Variants in SH3KBP1 observed in about 807,000 individuals in gnomAD.
The protein encoded by SH3KBP1 is SH3 domain-containing kinase-binding protein 1.
In SH3KBP1, 8 loss-of-function variants were observed where a neutral mutation model predicts 50.1. The observed-to-expected ratio is 0.16, with a 90% CI of 0.09 to 0.29. The LOEUF is 0.29. Ranked by LOEUF, SH3KBP1 falls within the 10% of genes least tolerant of loss-of-function variation. The pLI is 1.00. For missense variants in SH3KBP1, 377 were observed against 535.2 expected (o/e 0.70, Z 2.92); for synonymous variants, 227 against 218.6 (o/e 1.04, Z -0.34).
intron 1 of SH3KBP1, among the ~76,000 whole-genome samples, chrX:19,874,311 G>C (rs1197197517): frequency 2.1e-5 from 2 of 96,584 alleles, no homozygotes; most frequent in African/African-American, 7.9e-5. Context: ...AGGGAGAGTG[G>C]GCACTGGGGC....
intron 14 of SH3KBP1, among the ~76,000 whole-genome samples, chrX:19,548,202 A>T (rs2065137756): frequency 8.9e-6 from 1 of 112,184 alleles, no homozygotes; most frequent in African/African-American, 3.2e-5. Flanking sequence ...CACATCCCCC[A>T]AATACATACG....
chrX:19,729,947 A>T (rs909358026), intron 3 of SH3KBP1, among the ~76,000 whole-genome samples: 3 of 111,993 alleles, frequency 2.7e-5, no homozygotes, highest in African/African-American at 9.7e-5. Flanking sequence ...TTTCTAGTGT[A>T]TGCTGGTTTT....
chrX:19,712,908 T>A (rs1172793536), intron 3 of SH3KBP1, among the ~76,000 whole-genome samples: 1 of 111,380 alleles, frequency 9.0e-6, no homozygotes, highest in East Asian at 2.8e-4. Context: ...ATCATGCAAA[T>A]TTAAAATGAG....
chrX:19,797,654 T>C (rs994876700), intron 2 of SH3KBP1, among the ~76,000 whole-genome samples: 5 of 111,290 alleles, frequency 4.5e-5, no homozygotes, highest in African/African-American at 1.6e-4. Flanking sequence ...CCGTAATCAG[T>C]GATAAAAGTT....
At chrX:19,819,630 A>AT (rs1381049724) in intron 2 of SH3KBP1, among the ~76,000 whole-genome samples, 1 of 111,653 alleles carries the variant, frequency 9.0e-6, no homozygotes, top group East Asian at 2.8e-4. Flanking sequence ...GATTTCAAAC[A>AT]TGAGCCACTG....
At chrX:19,639,999 T>G (rs1374238744) in intron 7 of SH3KBP1, among the ~76,000 whole-genome samples, 1 of 107,169 alleles carries the variant, frequency 9.3e-6, no homozygotes, top group Non-Finnish European at 1.9e-5. Flanking sequence ...CAGCCATTCT[T>G]GAGGCTGGGG....
At chrX:19,567,268 C>T (rs1341403228) in intron 13 of SH3KBP1, among the ~76,000 whole-genome samples, 5 of 107,603 alleles carry the variant, frequency 4.6e-5, no homozygotes, top group Non-Finnish European at 9.6e-5. Context: ...GCTGTAATCC[C>T]GGAACTTTGG....
chrX:19,702,373 C>T (rs2063551999), intron 4 of SH3KBP1, among the ~76,000 whole-genome samples: 1 of 111,685 alleles, frequency 9.0e-6, no homozygotes, highest in South Asian at 3.8e-4. Context: ...ACCAAATATT[C>T]CATGGGCACA....
intron 9 of SH3KBP1, among the ~76,000 whole-genome samples, chrX:19,597,495 C>T (rs2066941329): frequency 8.9e-6 from 1 of 111,782 alleles, no homozygotes; most frequent in South Asian, 3.7e-4. Context: ...GATCATGGCT[C>T]ACTGCAGCCT....
chrX:19,691,824 T>C (rs910950668), intron 5 of SH3KBP1, among the ~76,000 whole-genome samples: 2 of 111,529 alleles, frequency 1.8e-5, no homozygotes, highest in African/African-American at 3.3e-5. Context: ...TTAAAGACAC[T>C]CTTTTACTGA....
In SH3KBP1 at chrX:19,534,901, T is replaced by TA. The variant is rs1200217438; in HGVS notation, c.*1515dup. 2 of 296,354 alleles carry TA rather than the reference T, an allele frequency of 6.7e-6. No homozygotes were observed. Among genetic ancestry groups the TA allele is most frequent in the African/African-American group, 5.5e-5 (2 of 36,577 alleles). 24.4% of individuals were successfully genotyped at this position (296,354 alleles called of 1,213,427 possible). ...TATTTGTAATACTATCAATGATCAGTAATGTGATTTTTTGTTTTTGCATCA... is the reference window on the plus strand; with the variant it reads ...TATTTGTAATACTATCAATGATCAGTAAATGTGATTTTTTGTTTTTGCATCA... On this transcript the variant is annotated 3_prime_UTR_variant, in exon 18 of 18. Transcript: ENST00000397821.
intron 13 of SH3KBP1, among the ~76,000 whole-genome samples, chrX:19,557,905 T>C (rs1353186947): frequency 8.9e-6 from 1 of 111,778 alleles, no homozygotes; most frequent in African/African-American, 3.3e-5. Flanking sequence ...AAGGTGAAAT[T>C]AGCAATGATA....
At chrX:19,763,600 A>G (rs2065497814) in intron 2 of SH3KBP1, among the ~76,000 whole-genome samples, 1 of 112,325 alleles carries the variant, frequency 8.9e-6, no homozygotes, top group Non-Finnish European at 1.9e-5. Flanking sequence ...TGTTTATTCT[A>G]TTAATTCTAT....
At chrX:19,697,292 T>A (rs775816687) in intron 4 of SH3KBP1, among the ~76,000 whole-genome samples, 3 of 112,250 alleles carry the variant, frequency 2.7e-5, no homozygotes, top group African/African-American at 9.7e-5. Context: ...TAAAATAATT[T>A]AAACAAAAAA....
intron 8 of SH3KBP1, among the ~76,000 whole-genome samples, chrX:19,621,060 A>T (rs1293921713): frequency 6.3e-4 from 36 of 57,440 alleles, no homozygotes; most frequent in East Asian, 9.9e-4. Flanking sequence ...TGCCAATACC[A>T]TTTCTTTTCT....
intron 6 of SH3KBP1, among the ~76,000 whole-genome samples, chrX:19,674,065 C>G (rs1028761676): frequency 5.3e-5 from 6 of 112,329 alleles, no homozygotes; most frequent in African/African-American, 1.9e-4. Context: ...CTCATTGATG[C>G]TTTGGACATG....
chrX:19,710,314 G>C (rs145518238), intron 3 of SH3KBP1, among the ~76,000 whole-genome samples: 2,115 of 112,019 alleles, frequency 0.019, 22 homozygotes, highest in Non-Finnish European at 0.028. Flanking sequence ...GACACTGTCT[G>C]CTCCTCACAT....
intron 2 of SH3KBP1, among the ~76,000 whole-genome samples, chrX:19,809,685 G>T (rs1284144339): frequency 1.8e-5 from 2 of 112,349 alleles, no homozygotes; most frequent in Non-Finnish European, 3.8e-5. Context: ...TCTTTAAACT[G>T]ATATCCAACC....
intron 13 of SH3KBP1, among the ~76,000 whole-genome samples, chrX:19,555,399 T>C (rs1443563332): frequency 9.0e-6 from 1 of 111,731 alleles, no homozygotes; most frequent in African/African-American, 3.3e-5. Flanking sequence ...AGCCTCATTT[T>C]CCATGGATAG....
Sources: gnomAD v4.1 joint callset for allele counts (sites outside exome capture counted in the v4.1 genomes callset) on GRCh38, gnomAD v4.1.1 for gene constraint, MANE v1.5 for transcripts, NCBI Gene and HGNC (gene_info 2026-07-23, HGNC 2026-07-21) for gene names.